Variants in ACBD6 observed in about 807,000 individuals in gnomAD.
The protein encoded by ACBD6 is acyl-CoA-binding domain-containing protein 6.
In ACBD6, 28 loss-of-function variants were observed where a neutral mutation model predicts 37.2. The observed-to-expected ratio is 0.75, with a 90% confidence interval of 0.56 to 1.03. The LOEUF (loss-of-function observed/expected upper bound fraction) is 1.03. ACBD6 is among the 50% of genes least tolerant of loss of function. ACBD6 has a pLI of 0.00. For synonymous variants in ACBD6, 113 were observed against 126.8 expected (o/e 0.89, Z 0.73); for missense variants, 340 against 337.4 (o/e 1.01, Z -0.06).
At chr1:180,398,472 C>T (rs1412809799) in intron 5 of ACBD6, among the ~76,000 whole-genome samples, 1 of 152,138 alleles carries the variant, frequency 6.6e-6, no homozygotes, top group Non-Finnish European at 1.5e-5. Flanking sequence ...TGCAAGTTTA[C>T]ACTCTGAAAT....
intron 3 of ACBD6, among the ~76,000 whole-genome samples, chr1:180,473,915 T>C (rs565509385): frequency 2.0e-4 from 30 of 152,312 alleles, no homozygotes; most frequent in Middle Eastern, 3.4e-3. Flanking sequence ...TTATAACCTT[T>C]TACTTGTACT....
chr1:180,498,156 T>C (rs1215074659), intron 1 of ACBD6, among the ~76,000 whole-genome samples: 1 of 152,250 alleles, frequency 6.6e-6, no homozygotes, highest in Non-Finnish European at 1.5e-5. Flanking sequence ...TTCACATTCA[T>C]GACTGTCACC....
At chr1:180,419,462 T>C (rs1648257124) in intron 4 of ACBD6, among the ~76,000 whole-genome samples, 2 of 152,116 alleles carry the variant, frequency 1.3e-5, no homozygotes, top group Admixed American at 6.6e-5. Flanking sequence ...AAGGAGGTAA[T>C]AAGGTAGGTT....
At chr1:180,429,744 C>T (rs1411164149) in intron 4 of ACBD6, among the ~76,000 whole-genome samples, 2 of 151,934 alleles carry the variant, frequency 1.3e-5, no homozygotes, top group Non-Finnish European at 2.9e-5. Flanking sequence ...TTTAATTAAA[C>T]AAATTAAAAA....
intron 7 of ACBD6, among the ~76,000 whole-genome samples, chr1:180,292,443 T>C (rs914761188): frequency 1.3e-5 from 2 of 152,230 alleles, no homozygotes; most frequent in African/African-American, 4.8e-5. Context: ...TAATATCTTT[T>C]AAAAATTCAA....
At chr1:180,299,196 A>G (rs1483669524) in intron 7 of ACBD6, among the ~76,000 whole-genome samples, 1 of 152,232 alleles carries the variant, frequency 6.6e-6, no homozygotes, top group African/African-American at 2.4e-5. Flanking sequence ...GTGAAACACA[A>G]GTCATAATGT....
chr1:180,383,033 G>T (rs980133553), intron 6 of ACBD6, among the ~76,000 whole-genome samples: 2 of 152,152 alleles, frequency 1.3e-5, no homozygotes, highest in Non-Finnish European at 2.9e-5. Flanking sequence ...GGCATAGATG[G>T]AACATACCTC....
chr1:180,318,834 G>A (rs1380369159), intron 6 of ACBD6, among the ~76,000 whole-genome samples: 1 of 152,004 alleles, frequency 6.6e-6, no homozygotes, highest in Non-Finnish European at 1.5e-5. Flanking sequence ...GCCCAGTGTT[G>A]GTTTAAACTT....
chr1:180,289,788 T>A (rs912950713), intron 7 of ACBD6, among the ~76,000 whole-genome samples: 2 of 152,058 alleles, frequency 1.3e-5, no homozygotes, highest in Non-Finnish European at 2.9e-5. Flanking sequence ...CAAAACATAA[T>A]GTTGAAGGGA....
chr1:180,323,412 T>TA (rs1651147799), intron 6 of ACBD6, among the ~76,000 whole-genome samples: 1 of 152,106 alleles, frequency 6.6e-6, no homozygotes, highest in Admixed American at 6.5e-5. Flanking sequence ...AAATATCTGT[T>TA]AGATTCACTG....
At chr1:180,377,016 A>T (rs761534363) in intron 6 of ACBD6, among the ~76,000 whole-genome samples, 1 of 152,234 alleles carries the variant, frequency 6.6e-6, no homozygotes, top group Non-Finnish European at 1.5e-5. Context: ...CTAATGGCAA[A>T]ATGAAATATA....
intron 6 of ACBD6, among the ~76,000 whole-genome samples, chr1:180,363,134 G>C (rs1264896596): frequency 6.6e-6 from 1 of 152,126 alleles, no homozygotes; most frequent in Non-Finnish European, 1.5e-5. Context: ...TCCTAAAATG[G>C]TTAAAGACCA....
chr1:180,291,915 T>C (rs977473694), intron 7 of ACBD6, among the ~76,000 whole-genome samples: 9 of 152,220 alleles, frequency 5.9e-5, no homozygotes, highest in Non-Finnish European at 1.2e-4. Flanking sequence ...TTGTTACAGC[T>C]CTATACGTTG....
At chr1:180,477,288 C>G (rs1029097155) in intron 3 of ACBD6, among the ~76,000 whole-genome samples, 2 of 152,080 alleles carry the variant, frequency 1.3e-5, no homozygotes, top group Admixed American at 6.5e-5. Context: ...AACTATAGAT[C>G]AGGGAGGACT....
intron 6 of ACBD6, among the ~76,000 whole-genome samples, chr1:180,333,686 G>T (rs117016823): frequency 3.3e-5 from 5 of 152,324 alleles, no homozygotes; most frequent in African/African-American, 1.2e-4. Flanking sequence ...TGAGTGCAGC[G>T]CACTGAGCGT....
intron 4 of ACBD6, among the ~76,000 whole-genome samples, chr1:180,426,764 G>T (rs1326710683): frequency 6.6e-6 from 1 of 152,182 alleles, no homozygotes; most frequent in Non-Finnish European, 1.5e-5. Flanking sequence ...ACCAGGTACT[G>T]TTCGAGGATG....
intron 6 of ACBD6, among the ~76,000 whole-genome samples, chr1:180,316,319 T>C (rs1005531575): frequency 6.7e-6 from 1 of 149,564 alleles, no homozygotes; most frequent in African/African-American, 2.5e-5. Flanking sequence ...AAAGTGTGTG[T>C]GTGTGTGCGT....
At chr1:180,358,678 C>G (rs1427720784) in intron 6 of ACBD6, among the ~76,000 whole-genome samples, 1 of 151,978 alleles carries the variant, frequency 6.6e-6, no homozygotes, top group Non-Finnish European at 1.5e-5. Context: ...AGGGCTTGAA[C>G]AGTTGTGTCC....
At chr1:180,397,985 G>C (rs947339902) in intron 5 of ACBD6, among the ~76,000 whole-genome samples, 2 of 151,976 alleles carry the variant, frequency 1.3e-5, no homozygotes, top group Non-Finnish European at 2.9e-5. Context: ...CTCGGGAGGC[G>C]GAGGTTGCAG....
Sources: allele counts gnomAD v4.1 joint callset (sites outside exome capture counted in the v4.1 genomes callset), GRCh38; gene constraint gnomAD v4.1.1; transcripts MANE v1.5; gene names NCBI Gene and HGNC (gene_info 2026-07-23, HGNC 2026-07-21).